Variants in MYO3A observed in about 807,000 individuals in gnomAD.
MYO3A encodes the protein myosin-IIIa.
In MYO3A, 180 loss-of-function variants were observed where a neutral mutation model predicts 192.7. The ratio of observed to expected loss-of-function variants is 0.93; its 90% confidence interval spans 0.83 to 1.06. MYO3A has a LOEUF of 1.06. MYO3A is among the 50% of genes least tolerant of loss of function. MYO3A has a pLI of 0.00. For synonymous variants in MYO3A, 628 were observed against 645.3 expected, an observed-to-expected ratio of 0.97 and a Z score of 0.41; for missense variants, 1,896 against 1,905.0, an observed-to-expected ratio of 1.00 and a Z score of 0.09.
intron 31 of MYO3A, among the ~76,000 whole-genome samples, chr10:26,189,571 C>T (rs1843027022): frequency 1.3e-5 from 2 of 152,192 alleles, no homozygotes; most frequent in Non-Finnish European, 2.9e-5. Flanking sequence ...CACCTATAAA[C>T]ATCGTCTCTC....
At chr10:25,997,311 T>C in intron 6 of MYO3A, 53 bp downstream of exon 6, 1 of 1,314,680 alleles carries the variant, frequency 7.6e-7, no homozygotes, top group Non-Finnish European at 1.1e-6. Context: ...ACTAGTATGA[T>C]ATGATTTGAT....
At chr10:26,111,887 G>A (rs1422908779) in intron 17 of MYO3A, among the ~76,000 whole-genome samples, 2 of 152,180 alleles carry the variant, frequency 1.3e-5, no homozygotes, top group Admixed American at 6.5e-5. Flanking sequence ...CAGGGGCTGG[G>A]CCTCTTCATA....
At chr10:26,078,767 A>G (rs192177230) in intron 14 of MYO3A, among the ~76,000 whole-genome samples, 14 of 152,192 alleles carry the variant, frequency 9.2e-5, no homozygotes, top group South Asian at 4.1e-4. Context: ...TTTTGACTCA[A>G]TGCTCATTCA....
At chr10:26,176,194 T>C (rs1169236266) in intron 30 of MYO3A, among the ~76,000 whole-genome samples, 3 of 151,276 alleles carry the variant, frequency 2.0e-5, no homozygotes, top group East Asian at 3.9e-4. Context: ...CTCTGGAGGC[T>C]GAGGCAGGAG....
rs35575696 is a variant in MYO3A at position 26,174,123 on chromosome 10, C to A, written c.3859C>A (p.Pro1287Thr). ...GACTTCCTTTAAAAAAACTTTGGAA[C>A]CTACACTTAGCCAAAGGTCAATTTA... is the stretch of plus-strand genomic sequence containing the variant. ...NETSFKKTLE[P>T]TLSQRSIYQN... The change falls in exon 30 of 35, where the codon CCT becomes ACT. Residue 1287 changes from proline (P) to threonine (T), a missense_variant. Pro to Thr is a conservative substitution (Grantham distance 38). Transcript: ENST00000642920. 17,233 of 1,614,124 alleles carry A rather than the reference C, an allele frequency of 0.011. 118 individuals carry two copies. Among genetic ancestry groups the A allele is most frequent in the South Asian group, 0.015 (1,365 of 91,060 alleles).
At position 26,168,708 on chromosome 10, in the gene MYO3A, T is replaced by C. The variant is rs16926628; in HGVS notation, c.3112-4T>C. ...GTTCTTTGTATTATATTTTAATTTT[T>C]CAGGTGTTCCTTAAGTATTATCACG... On this transcript the variant is annotated splice_polypyrimidine_tract_variant and splice_region_variant and intron_variant, in intron 27 of 34. Transcript: ENST00000642920. 176,763 of 1,610,790 alleles carry C rather than the reference T, an allele frequency of 0.11. 10,752 individuals carry two copies. Among genetic ancestry groups the C allele is most frequent in the African/African-American group, 0.17 (12,906 of 74,946 alleles).
At chr10:25,964,412 A>G (rs188640504) in intron 4 of MYO3A, among the ~76,000 whole-genome samples, 13 of 152,246 alleles carry the variant, frequency 8.5e-5, no homozygotes, top group Non-Finnish European at 5.9e-5. Context: ...AATATATTTC[A>G]TAGGAATTAA....
intron 10 of MYO3A, among the ~76,000 whole-genome samples, chr10:26,031,879 G>T (rs12267297): frequency 0.31 from 47,346 of 152,050 alleles, 7,650 homozygotes; most frequent in Middle Eastern, 0.44. Flanking sequence ...TTTAAGCTAT[G>T]ATTGTCATTC....
At chr10:26,172,151 A>C (rs920819553) in intron 29 of MYO3A, among the ~76,000 whole-genome samples, 1 of 152,222 alleles carries the variant, frequency 6.6e-6, no homozygotes, top group Non-Finnish European at 1.5e-5. Flanking sequence ...AGGGAGAAGC[A>C]GGTGGGCCTG....
At chr10:26,157,163 A>AC in intron 25 of MYO3A, 147 bp from the exon 26 acceptor site, 1 of 722,766 alleles carries the variant, frequency 1.4e-6, no homozygotes, top group Non-Finnish European at 2.4e-6. Flanking sequence ...GTTCATTAAA[A>AC]CAGATTTTCC....
intron 4 of MYO3A, among the ~76,000 whole-genome samples, chr10:25,966,600 G>T: frequency 6.6e-6 from 1 of 152,134 alleles, no homozygotes; most frequent in East Asian, 1.9e-4. Context: ...AACAGTTTTA[G>T]TACCTTTATT....
At chr10:26,049,661 CTTTCTTTCTTTCTTTTT>C (rs1440034009) in intron 10 of MYO3A, among the ~76,000 whole-genome samples, 8 of 104,566 alleles carry the variant, frequency 7.7e-5, no homozygotes, top group African/African-American at 1.0e-4. Context: ...TTCTTTCTTT[CTTTCTTTCTTTCTTTTT>C]TTTTTTTTTT....
intron 4 of MYO3A, among the ~76,000 whole-genome samples, chr10:25,976,838 A>G (rs1588690617): frequency 2.0e-5 from 3 of 152,296 alleles, no homozygotes; most frequent in Admixed American, 1.3e-4. Context: ...TAAAAATTGC[A>G]TAGGCTAAAT....
intron 20 of MYO3A, among the ~76,000 whole-genome samples, chr10:26,133,289 T>C (rs117681760): frequency 0.023 from 3,467 of 152,330 alleles, 49 homozygotes; most frequent in Non-Finnish European, 0.035. Context: ...TGACCAAGTG[T>C]TAGGTTATTA....
Position 26,174,030 on chromosome 10 carries a change from G to T in MYO3A, c.3766G>T (p.Ala1256Ser), listed in dbSNP as rs1319042395. ...GAGGAATTGTGAAGAGTCAAAAGCA[G>T]CATATCTAGAAAGGAAGGCCATATC... is the stretch of plus-strand genomic sequence containing the variant. ...EERNCEESKAAYLERKAISER... is the reference protein window; with the variant it reads ...EERNCEESKASYLERKAISER... Residue 1256 changes from alanine (A) to serine (S), a missense_variant, in exon 30 of 35, where the codon GCA becomes TCA. Coordinates refer to ENST00000642920, the MANE Select transcript of MYO3A (RefSeq NM_017433.5). 1 of 1,613,218 alleles carries T rather than the reference G, an allele frequency of 6.2e-7. No homozygotes were observed. Among genetic ancestry groups the T allele is most frequent in the South Asian group, 1.1e-5 (1 of 90,876 alleles).
intron 20 of MYO3A, among the ~76,000 whole-genome samples, chr10:26,142,714 G>A (rs952083350): frequency 6.6e-5 from 10 of 152,256 alleles, no homozygotes; most frequent in African/African-American, 2.4e-4. Flanking sequence ...AAATCCACTG[G>A]TTGTTTCTAT....
rs1282637069 is a variant in MYO3A, at chr10:26,201,631, A to T, written c.4586+326A>T. ...AACCCGGGAGACGGAGCTTGCCGTG[A>T]GCCGAGATTGCGCCACTGCACTCCA... On this transcript the variant is annotated intron_variant, in intron 33 of 34. Transcript: ENST00000642920. Among the ~76,000 whole-genome samples the T allele has an allele frequency of 2.0e-5, 3 of 151,040 alleles. No homozygotes were observed. In the South Asian group the frequency reaches 6.2e-4, roughly 31 times the overall value.
Position 26,021,775 on chromosome 10 carries a change from G to T in MYO3A, c.731+127G>T, listed in dbSNP as rs1049496422. 5.4e-6 allele frequency: 7 copies of T among 1,285,716 alleles called. No homozygotes were observed. In the Admixed American group the frequency reaches 1.3e-4, roughly 23 times the overall value. The allele number at this position is 1,285,716 out of a possible 1,614,324, so 79.6% of individuals were successfully genotyped here. ...AACAAGTTGGGAGCAGAAGATCCTG[G>T]AATATTATTCTGCTTCTTCTGAGAC... On this transcript the variant is annotated intron_variant, in intron 8 of 34. Transcript: ENST00000642920.
intron 6 of MYO3A, among the ~76,000 whole-genome samples, chr10:25,997,972 T>C (rs1251956014): frequency 3.9e-5 from 6 of 152,248 alleles, no homozygotes; most frequent in African/African-American, 1.4e-4. Flanking sequence ...GATGTCTCAG[T>C]ATCCTTCAGT....
Sources: gnomAD v4.1 joint callset for allele counts (sites outside exome capture counted in the v4.1 genomes callset) on GRCh38, gnomAD v4.1.1 for gene constraint, MANE v1.5 for transcripts, NCBI Gene and HGNC (gene_info 2026-07-23, HGNC 2026-07-21) for gene names.